Variants in PLXDC2 observed in about 807,000 individuals in gnomAD.
The protein encoded by PLXDC2 is plexin domain-containing protein 2.
Under a neutral mutation model 68.9 loss-of-function variants are expected in PLXDC2, and 40 were observed. The ratio of observed to expected loss-of-function variants is 0.58; its 90% CI spans 0.45 to 0.76. The LOEUF (loss-of-function observed/expected upper bound fraction) is 0.76. Ranked by LOEUF, PLXDC2 falls within the 30% of genes least tolerant of loss-of-function variation. PLXDC2 has a pLI of 0.00. For missense variants in PLXDC2, 644 were observed against 661.9 expected (o/e 0.97, Z 0.30); for synonymous variants, 243 against 234.2 (o/e 1.04, Z -0.34).
chr10:19,835,719 G>A (rs1418796955), intron 1 of PLXDC2, among the ~76,000 whole-genome samples: 1 of 152,154 alleles, frequency 6.6e-6, no homozygotes, highest in East Asian at 1.9e-4. Context: ...CCTAGAGTGA[G>A]AGGCAGATTA....
chr10:20,234,663 CTTTT>C (rs58791520), intron 12 of PLXDC2, among the ~76,000 whole-genome samples: 4 of 125,422 alleles, frequency 3.2e-5, no homozygotes, highest in Non-Finnish European at 6.7e-5. Context: ...GGGTTTCTTT[CTTTT>C]TTTTTTTTTT....
At chr10:20,041,076 C>G (rs934419966) in intron 2 of PLXDC2, among the ~76,000 whole-genome samples, 8 of 152,124 alleles carry the variant, frequency 5.3e-5, no homozygotes, top group African/African-American at 1.9e-4. Flanking sequence ...ACAGTGCTCA[C>G]CATCAGAAGA....
intron 4 of PLXDC2, among the ~76,000 whole-genome samples, chr10:20,134,214 A>C (rs1402146751): frequency 6.6e-6 from 1 of 152,140 alleles, no homozygotes; most frequent in Admixed American, 6.5e-5. Flanking sequence ...ATAGATCTCC[A>C]ATTCTTTGAG....
At chr10:19,856,083 A>G (rs1009217931) in intron 1 of PLXDC2, among the ~76,000 whole-genome samples, 3 of 152,188 alleles carry the variant, frequency 2.0e-5, no homozygotes, top group African/African-American at 7.2e-5. Context: ...TGATAGAGTA[A>G]GACTCTGTCT....
intron 1 of PLXDC2, among the ~76,000 whole-genome samples, chr10:19,856,079 A>G (rs951132692): frequency 6.6e-6 from 1 of 152,200 alleles, no homozygotes; most frequent in African/African-American, 2.4e-5. Flanking sequence ...TGGGTGATAG[A>G]GTAAGACTCT....
chr10:19,818,113 C>T (rs1209849106), intron 1 of PLXDC2, among the ~76,000 whole-genome samples: 3 of 151,748 alleles, frequency 2.0e-5, no homozygotes, highest in Admixed American at 1.3e-4. Flanking sequence ...CTAGGGTGGA[C>T]TTCGAGAGGA....
At chr10:19,908,070 G>C (rs1833199603) in intron 1 of PLXDC2, among the ~76,000 whole-genome samples, 3 of 152,060 alleles carry the variant, frequency 2.0e-5, no homozygotes, top group Admixed American at 6.6e-5. Flanking sequence ...TTAAAAAATA[G>C]TTTATAATTC....
At chr10:20,034,616 G>A (rs1835549280) in intron 2 of PLXDC2, among the ~76,000 whole-genome samples, 2 of 152,164 alleles carry the variant, frequency 1.3e-5, no homozygotes, top group African/African-American at 4.8e-5. Context: ...AATGTTTGAG[G>A]AGAATTCATG....
rs117359299 is a variant in PLXDC2, at chr10:20,097,030, G to T, written c.541+28791G>T. Among the ~76,000 whole-genome samples the T allele has an allele frequency of 5.5e-4, 83 of 152,126 alleles. No individual in the cohort carries two copies. In the East Asian group the frequency reaches 0.015, roughly 28 times the overall value. ...CAGATCTATCTATTCATTTCTGTCG[G>T]ATACTCGGCAGATTGTTTTCTTATT... On this transcript the variant is annotated intron_variant, in intron 4 of 13. Coordinates refer to ENST00000377252, the MANE Select transcript of PLXDC2 (RefSeq NM_032812.9).
At chr10:20,229,517 C>CCA (rs753115775) in intron 12 of PLXDC2, among the ~76,000 whole-genome samples, 2 of 105,666 alleles carry the variant, frequency 1.9e-5, no homozygotes, top group Non-Finnish European at 3.7e-5. Context: ...CCACTTTAAG[C>CCA]AAAAAAAAAA....
chr10:20,289,485 TTC>T lies in PLXDC2; in HGVS notation c.*9668_*9669del, dbSNP rs1389457711. 7.2e-5 allele frequency: 11 copies of T among 152,240 alleles called. No homozygotes were observed. The highest frequency in any genetic ancestry group is 2.4e-4 in the African/African-American group (10 of 41,456). The allele number at this position is 152,240 out of a possible 1,614,324, so 9.4% of individuals were successfully genotyped here. A position where few individuals can be genotyped will look rare whatever the true frequency, so the allele number is the denominator to read the frequency against. On this transcript the variant is annotated 3_prime_UTR_variant, in exon 14 of 14. Coordinates refer to ENST00000377252, the MANE Select transcript of PLXDC2 (RefSeq NM_032812.9). ...ATAAGTTCCAGAAGGTTCTCTATTATTCTGTCCTTCTTCCAAACTGGAAATGG... is the reference window on the plus strand; with the variant it reads ...ATAAGTTCCAGAAGGTTCTCTATTATTGTCCTTCTTCCAAACTGGAAATGG...
intron 1 of PLXDC2, among the ~76,000 whole-genome samples, chr10:19,973,313 CAT>C (rs1491456328): frequency 1.8e-5 from 1 of 56,508 alleles, no homozygotes; most frequent in African/African-American, 8.7e-5. Context: ...TATATACTCA[CAT>C]ATATATGTAT....
At chr10:20,017,097 A>G (rs185829112) in intron 2 of PLXDC2, among the ~76,000 whole-genome samples, 37 of 152,262 alleles carry the variant, frequency 2.4e-4, no homozygotes, top group African/African-American at 8.4e-4. Flanking sequence ...AGGCAGAGAG[A>G]GATAAATAGA....
chr10:19,992,570 A>G (rs994353125), intron 1 of PLXDC2, among the ~76,000 whole-genome samples: 2 of 152,172 alleles, frequency 1.3e-5, no homozygotes, highest in African/African-American at 2.4e-5. Context: ...CAGTATAACA[A>G]GTGCTAAAAT....
chr10:20,108,465 T>C (rs530603209), intron 4 of PLXDC2, among the ~76,000 whole-genome samples: 99 of 152,306 alleles, frequency 6.5e-4, no homozygotes, highest in African/African-American at 2.3e-3. Context: ...TTTATTTGTT[T>C]CTCTACCCTT....
intron 9 of PLXDC2, among the ~76,000 whole-genome samples, chr10:20,193,189 TG>T (rs1301333582): frequency 6.6e-6 from 1 of 152,100 alleles, no homozygotes; most frequent in Non-Finnish European, 1.5e-5. Context: ...TTCTCCATAA[TG>T]GAATTCTTGT....
intron 13 of PLXDC2, among the ~76,000 whole-genome samples, chr10:20,274,895 T>C (rs1835985638): frequency 6.6e-6 from 1 of 151,606 alleles, no homozygotes; most frequent in African/African-American, 2.4e-5. Flanking sequence ...CATTAATTAG[T>C]ATATGTCCAA....
chr10:20,043,985 C>T (rs1656242492), intron 2 of PLXDC2, among the ~76,000 whole-genome samples: 1 of 151,970 alleles, frequency 6.6e-6, no homozygotes, highest in South Asian at 2.1e-4. Context: ...TGACCATAAC[C>T]TAATTCAAGG....
chr10:19,963,918 TTC>T (rs914114542), intron 1 of PLXDC2, among the ~76,000 whole-genome samples: 9 of 152,206 alleles, frequency 5.9e-5, no homozygotes, highest in Non-Finnish European at 1.2e-4. Context: ...TGCAGTCTGC[TTC>T]TTGGGGAAGG....
Sources: gnomAD v4.1 joint callset for allele counts (sites outside exome capture counted in the v4.1 genomes callset) on GRCh38, gnomAD v4.1.1 for gene constraint, MANE v1.5 for transcripts, NCBI Gene and HGNC (gene_info 2026-07-23, HGNC 2026-07-21) for gene names.